FAS: variants seen among roughly 807,000 people sequenced by gnomAD.
FAS encodes the protein tumor necrosis factor receptor superfamily member 6.
A neutral mutation model predicts 33.2 loss-of-function variants in FAS; 5 were observed. The ratio of observed to expected loss-of-function variants is 0.15; its 90% confidence interval spans 0.08 to 0.32. The LOEUF (loss-of-function observed/expected upper bound fraction) is 0.32, where lower values mean the gene tolerates loss of function less well. Among genes scored for constraint, FAS ranks in the 10% least tolerant of loss-of-function variants. The probability of loss-of-function intolerance (pLI) is 1.00; values close to 1 mark genes in which losing one functional copy is unlikely to be tolerated. For synonymous variants in FAS, 131 were observed against 130.7 expected (o/e 1.00, Z -0.01); for missense variants, 339 against 386.0 (o/e 0.88, Z 1.02).
intron 2 of FAS, among the ~76,000 whole-genome samples, chr10:89,003,476 T>A (rs1023498344): frequency 4.6e-5 from 7 of 152,212 alleles, no homozygotes; most frequent in Non-Finnish European, 8.8e-5. Flanking sequence ...CAAAAATGAC[T>A]CATTTGTGAA....
At chr10:88,988,018 C>T (rs566231748), upstream of FAS, among the ~76,000 whole-genome samples, 43 of 152,238 alleles carry the variant, frequency 2.8e-4, no homozygotes, top group Middle Eastern at 3.4e-3. Context: ...TGGACTTGAA[C>T]TATAACTTTT....
At chr10:89,004,252 C>T (rs761882244) in intron 2 of FAS, among the ~76,000 whole-genome samples, 39 of 151,922 alleles carry the variant, frequency 2.6e-4, no homozygotes, top group South Asian at 2.1e-4. Flanking sequence ...ATTGCTTTTT[C>T]GGTTTTGCTT....
chr10:88,991,130 G>C (rs868444365), intron 1 of FAS: 186 of 623,800 alleles, frequency 3.0e-4, no homozygotes, highest in South Asian at 1.6e-3. Context: ...TGCTTTTCTT[G>C]GGCCTTGATG....
chr10:89,014,342 A>G lies in FAS; in HGVS notation c.900A>G (p.Lys300=), dbSNP rs765240013. 1 of 1,613,960 alleles carries G rather than the reference A, an allele frequency of 6.2e-7. No homozygotes were observed. Among genetic ancestry groups the G allele is most frequent in the East Asian group, 2.2e-5 (1 of 44,858 alleles). The change falls in exon 9 of 9, where the codon AAA becomes AAG. Residue 300 remains lysine (K), a synonymous_variant. Transcript: ENST00000652046. ...ACACATTGATTAAAGATCTCAAAAA[A>G]GCCAATCTTTGTACTCTTGCAGAGA... is the stretch of plus-strand genomic sequence containing the variant. ...AYDTLIKDLK[K]ANLCTLAEKI...
upstream of FAS, among the ~76,000 whole-genome samples, chr10:88,986,495 T>C (rs767526628): frequency 1.3e-5 from 2 of 152,214 alleles, no homozygotes; most frequent in Non-Finnish European, 2.9e-5. Context: ...TAGGTTAGTA[T>C]ACCAGTTTTC....
At position 89,003,138 on chromosome 10, in the gene FAS, A is replaced by G. The variant is rs553156945; in HGVS notation, c.140A>G (p.Gln47Arg). The part of the protein sequence containing the change: ...LRKTVTTVET[Q>R]NLEGLHHDGQ... ...AAGACTGTTACTACAGTTGAGACTC[A>G]GAACTTGGAAGGCCTGCATCATGAT... is the stretch of plus-strand genomic sequence containing the variant. The change falls in exon 2 of 9, where the codon CAG (glutamine) becomes CGG (arginine). Residue 47 changes from glutamine to arginine, a missense_variant. Coordinates refer to ENST00000652046, the MANE Select transcript of FAS (RefSeq NM_000043.6). 5.8e-5 allele frequency: 93 copies of G among 1,614,212 alleles called. 1 individual carries two copies. In the South Asian group the frequency reaches 9.6e-4, roughly 17 times the overall value.
intron 2 of FAS, among the ~76,000 whole-genome samples, chr10:89,003,974 A>G (rs1243569586): frequency 6.6e-6 from 1 of 152,194 alleles, no homozygotes; most frequent in Non-Finnish European, 1.5e-5. Flanking sequence ...AAAAGATTCT[A>G]CCAGTCTCCC....
rs1848817794 is a variant in FAS, at chr10:89,016,656, A to G, written c.*2206A>G. 2 of 223,290 alleles carry G rather than the reference A, an allele frequency of 9.0e-6. No individual in the cohort carries two copies. The highest frequency in any genetic ancestry group is 1.8e-5 in the Non-Finnish European group (2 of 111,824). 13.8% of individuals were successfully genotyped at this position (223,290 alleles called of 1,614,324 possible). On this transcript the variant is annotated 3_prime_UTR_variant, in exon 9 of 9. Coordinates refer to ENST00000652046, the MANE Select transcript of FAS (RefSeq NM_000043.6). ...ACAGCCACATTCCCGAGTTGAGGTG[A>G]CCCCACGGTCCAGAATCATCCTCAT...
chr10:88,970,910 G>A (rs1019898887), intron 1 of FAS, among the ~76,000 whole-genome samples: 14 of 150,582 alleles, frequency 9.3e-5, no homozygotes, highest in Admixed American at 2.6e-4. Flanking sequence ...TATATATAAA[G>A]AATTCCCCAC....
chr10:88,979,329 C>A (rs1054005968), intron 2 of FAS, among the ~76,000 whole-genome samples: 1 of 152,108 alleles, frequency 6.6e-6, no homozygotes, highest in Non-Finnish European at 1.5e-5. Context: ...CCAGCCTTGG[C>A]TCCTAGGAAG....
intron 1 of FAS, among the ~76,000 whole-genome samples, chr10:88,993,526 C>T (rs1230491182): frequency 1.3e-5 from 2 of 152,132 alleles, no homozygotes; most frequent in African/African-American, 4.8e-5. Flanking sequence ...CAGGCAATCA[C>T]TGGACAGCCA....
chr10:89,012,131 A>G (rs1848565040), intron 7 of FAS, 50 bp downstream of exon 7: 6 of 1,488,682 alleles, frequency 4.0e-6, no homozygotes, highest in African/African-American at 2.8e-5. Flanking sequence ...AAATAGAGAA[A>G]TTAGTGATTT....
At chr10:88,995,349 C>T (rs770378297) in intron 1 of FAS, among the ~76,000 whole-genome samples, 12 of 152,144 alleles carry the variant, frequency 7.9e-5, no homozygotes, top group Non-Finnish European at 1.8e-4. Flanking sequence ...GTAACTTCAC[C>T]TTCCCCGGAA....
chr10:89,004,260 CTTTG>C (rs1396319383), intron 2 of FAS, among the ~76,000 whole-genome samples: 1 of 151,954 alleles, frequency 6.6e-6, no homozygotes, highest in African/African-American at 2.4e-5. Flanking sequence ...TTCGGTTTTG[CTTTG>C]TTTTATTTTA....
chr10:89,003,532 A>T (rs9658733), intron 2 of FAS, among the ~76,000 whole-genome samples: 6,214 of 152,274 alleles, frequency 0.041, 447 homozygotes, highest in African/African-American at 0.14. Context: ...TACCATAACA[A>T]TAGTGGAACT....
chr10:88,967,394 C>G (rs1008762373), intron 1 of FAS, among the ~76,000 whole-genome samples: 2 of 152,108 alleles, frequency 1.3e-5, no homozygotes, highest in African/African-American at 4.8e-5. Flanking sequence ...CATCTCACCT[C>G]AGTTTTTTCA....
At chr10:88,984,880 A>G (rs762166442), upstream of FAS, among the ~76,000 whole-genome samples, 9 of 152,206 alleles carry the variant, frequency 5.9e-5, no homozygotes, top group Non-Finnish European at 1.0e-4. Context: ...TATTTTCTGG[A>G]AAGTTTAAAA....
At position 89,010,972 on chromosome 10, in the gene FAS, A is replaced by C. The variant is rs181723314; in HGVS notation, c.568+157A>C. 6 of 824,730 alleles carry C rather than the reference A, an allele frequency of 7.3e-6. No homozygotes were observed. In the Admixed American group the frequency reaches 8.1e-5, roughly 11 times the overall value. 51.1% of individuals were successfully genotyped at this position (824,730 alleles called of 1,614,324 possible). On this transcript the variant is annotated intron_variant, in intron 6 of 8. Coordinates refer to ENST00000652046, the MANE Select transcript of FAS (RefSeq NM_000043.6). The stretch of plus-strand genomic sequence containing the variant: ...ATGCAGCCTTGAGAGCTGACTGATA[A>C]GAACAAATGAAATTATTCCTCAGCT...
intron 1 of FAS, among the ~76,000 whole-genome samples, chr10:88,968,817 G>T (rs921137370): frequency 2.0e-5 from 3 of 152,176 alleles, no homozygotes; most frequent in Non-Finnish European, 4.4e-5. Flanking sequence ...ATGTTAAAGA[G>T]ATTCTGCAGG....
Sources: allele counts gnomAD v4.1 joint callset (sites outside exome capture counted in the v4.1 genomes callset), GRCh38; gene constraint gnomAD v4.1.1; transcripts MANE v1.5; gene names NCBI Gene and HGNC (gene_info 2026-07-23, HGNC 2026-07-21).